ZNF804B: variants seen among roughly 807,000 people sequenced by gnomAD.
ZNF804B encodes zinc finger protein 804B.
In ZNF804B, 80 loss-of-function variants were observed where a neutral mutation model predicts 101.4. The ratio of observed to expected loss-of-function variants is 0.79; its 90% CI spans 0.66 to 0.95. The LOEUF (loss-of-function observed/expected upper bound fraction) is 0.95. ZNF804B is among the 40% of genes least tolerant of loss of function. The pLI is 0.00. For synonymous variants in ZNF804B, 622 were observed against 558.8 expected (o/e 1.11, Z -1.59); for missense variants, 1,673 against 1,561.9 (o/e 1.07, Z -1.20).
rs954408287 is a variant in ZNF804B at position 89,276,556 on chromosome 7, A to G, written c.250-50788A>G. 2.8e-4 allele frequency among the ~76,000 whole-genome samples: 43 copies of G among 151,910 alleles called. 1 individual carries two copies. The highest frequency in any genetic ancestry group is 1.2e-3 in the Admixed American group (19 of 15,270). ...ACTTCTGAGATAAATTATGAGATAAATTGAAAATATATTTTAAAATGCTAT... is the reference window on the plus strand; with the variant it reads ...ACTTCTGAGATAAATTATGAGATAAGTTGAAAATATATTTTAAAATGCTAT... On this transcript the variant is annotated intron_variant, in intron 2 of 3. Coordinates refer to ENST00000333190, the MANE Select transcript of ZNF804B (RefSeq NM_181646.5).
chr7:89,202,488 A>G lies in ZNF804B; in HGVS notation c.109-15667A>G, dbSNP rs555045144. On this transcript the variant is annotated intron_variant, in intron 1 of 3. Coordinates refer to ENST00000333190, the MANE Select transcript of ZNF804B (RefSeq NM_181646.5). ...GGCTTGAAACAGAAAACTTTTATCT[A>G]TGGCATCCCAAGAATATGAATGTTA... 4.5e-4 allele frequency among the ~76,000 whole-genome samples: 68 copies of G among 152,218 alleles called. No individual in the cohort carries two copies. The Middle Eastern group carries it at 0.01, about 23-fold the overall frequency.
chr7:88,783,372 C>T (rs1315011212), intron 1 of ZNF804B, among the ~76,000 whole-genome samples: 2 of 152,034 alleles, frequency 1.3e-5, no homozygotes, highest in African/African-American at 4.8e-5. Flanking sequence ...CTCTAGCTTC[C>T]ACACTCCTAT....
At chr7:89,303,817 C>CA (rs535279715) in intron 2 of ZNF804B, among the ~76,000 whole-genome samples, 360 of 151,852 alleles carry the variant, frequency 2.4e-3, no homozygotes, top group South Asian at 3.7e-3. Context: ...GCATCTGTGA[C>CA]AAAAATTATA....
rs374817558 is a variant in ZNF804B, at chr7:89,101,618, T to C, written c.109-116537T>C. Among the ~76,000 whole-genome samples, 7 of 152,090 alleles carry C rather than the reference T, an allele frequency of 4.6e-5. No homozygotes were observed. In the South Asian group the frequency reaches 1.2e-3, roughly 27 times the overall value. ...TTTTATTACGTAAAATCAGGAATAA[T>C]TGATTATAAGTAACTGATGTAAAGG... On this transcript the variant is annotated intron_variant, in intron 1 of 3. Transcript: ENST00000333190.
intron 1 of ZNF804B, among the ~76,000 whole-genome samples, chr7:88,892,945 T>G (rs1311865352): frequency 6.6e-6 from 1 of 152,174 alleles, no homozygotes; most frequent in Non-Finnish European, 1.5e-5. Context: ...AGGAAACTTT[T>G]TGATTCTTCT....
At chr7:88,876,873 T>C (rs554121244) in intron 1 of ZNF804B, among the ~76,000 whole-genome samples, 2 of 150,258 alleles carry the variant, frequency 1.3e-5, no homozygotes, top group South Asian at 4.2e-4. Flanking sequence ...ACTTAAAAAG[T>C]ATGTTGATTA....
chr7:88,847,041 A>C (rs1791383419), intron 1 of ZNF804B, among the ~76,000 whole-genome samples: 1 of 152,052 alleles, frequency 6.6e-6, no homozygotes, highest in Non-Finnish European at 1.5e-5. Context: ...AATGGAAAAC[A>C]ATCCTTTGAT....
At chr7:89,206,105 A>G (rs1584053297) in intron 1 of ZNF804B, among the ~76,000 whole-genome samples, 1 of 152,202 alleles carries the variant, frequency 6.6e-6, no homozygotes, top group East Asian at 1.9e-4. Context: ...ACTTTTAGCC[A>G]TGGCTGGAGC....
intron 1 of ZNF804B, among the ~76,000 whole-genome samples, chr7:88,915,835 A>G (rs1792625218): frequency 6.6e-6 from 1 of 151,798 alleles, no homozygotes; most frequent in Non-Finnish European, 1.5e-5. Flanking sequence ...TCATAAAAAT[A>G]AGGATAGTGT....
chr7:89,311,967 C>A (rs536244574), intron 2 of ZNF804B, among the ~76,000 whole-genome samples: 1 of 152,132 alleles, frequency 6.6e-6, no homozygotes, highest in African/African-American at 2.4e-5. Flanking sequence ...GCCACAATAG[C>A]TAAAAGATGA....
chr7:89,045,965 A>C (rs1325539316), intron 1 of ZNF804B, among the ~76,000 whole-genome samples: 1 of 152,030 alleles, frequency 6.6e-6, no homozygotes, highest in Non-Finnish European at 1.5e-5. Context: ...CTGTGTCCCC[A>C]CCCAAATCTC....
At chr7:89,256,490 A>G (rs1789633101) in intron 2 of ZNF804B, among the ~76,000 whole-genome samples, 1 of 151,422 alleles carries the variant, frequency 6.6e-6, no homozygotes, top group Non-Finnish European at 1.5e-5. Flanking sequence ...GGCTGCAGTG[A>G]GCTGTGTTTG....
At chr7:89,298,607 ATAAT>A (rs1765456275) in intron 2 of ZNF804B, among the ~76,000 whole-genome samples, 1 of 151,966 alleles carries the variant, frequency 6.6e-6, no homozygotes, top group Admixed American at 6.6e-5. Flanking sequence ...TTACAAAGCA[ATAAT>A]TAATTATCTA....
intron 1 of ZNF804B, among the ~76,000 whole-genome samples, chr7:88,879,716 G>A (rs117470481): frequency 0.012 from 1,896 of 152,140 alleles, 17 homozygotes; most frequent in Non-Finnish European, 0.02. Context: ...AAAGCTTCCC[G>A]AGTTAAGTCT....
Position 89,183,623 on chromosome 7 carries a change from T to C in ZNF804B, c.109-34532T>C, listed in dbSNP as rs185586416. ...TCCTAAGTACATCCACAAGTTCAGG[T>C]AGAGCAAATCTTAGATGTGTATAAA... On this transcript the variant is annotated intron_variant, in intron 1 of 3. Coordinates refer to ENST00000333190, the MANE Select transcript of ZNF804B (RefSeq NM_181646.5). Among the ~76,000 whole-genome samples the C allele has an allele frequency of 1.7e-3, 252 of 152,284 alleles. 1 individual carries two copies. Among genetic ancestry groups the C allele is most frequent in the Non-Finnish European group, 1.4e-3 (93 of 68,028 alleles).
chr7:89,263,578 T>C (rs1384596741), intron 2 of ZNF804B, among the ~76,000 whole-genome samples: 5 of 149,666 alleles, frequency 3.3e-5, no homozygotes, highest in Non-Finnish European at 7.4e-5. Context: ...CACACGAACC[T>C]GTGAATGTGA....
intron 1 of ZNF804B, among the ~76,000 whole-genome samples, chr7:89,162,179 C>T (rs1791075840): frequency 1.3e-5 from 2 of 152,082 alleles, no homozygotes; most frequent in Admixed American, 1.3e-4. Context: ...CAGCTGGTCA[C>T]CATTTTTTAA....
intron 1 of ZNF804B, among the ~76,000 whole-genome samples, chr7:89,029,388 GC>G (rs1231435317): frequency 3.2e-4 from 48 of 152,308 alleles, no homozygotes; most frequent in African/African-American, 1.2e-3. Context: ...ACAGGTGTGA[GC>G]CACTGTGCCT....
chr7:88,854,467 C>CTT (rs1372350610), intron 1 of ZNF804B, among the ~76,000 whole-genome samples: 1 of 98,514 alleles, frequency 1.0e-5, no homozygotes, highest in African/African-American at 4.2e-5. Flanking sequence ...TTCTTTCTTT[C>CTT]TTTCTTTCTC....
Sources: gnomAD v4.1 joint callset for allele counts (sites outside exome capture counted in the v4.1 genomes callset) on GRCh38, gnomAD v4.1.1 for gene constraint, MANE v1.5 for transcripts, NCBI Gene and HGNC (gene_info 2026-07-23, HGNC 2026-07-21) for gene names.